Variants in RNF213 observed in about 807,000 individuals in gnomAD.
RNF213 encodes the protein ring finger protein 213, also known as E3 ubiquitin-protein ligase RNF213.
In RNF213, 341 loss-of-function variants were observed where a neutral mutation model predicts 514.4. The observed-to-expected ratio is 0.66, with a 90% CI of 0.61 to 0.73. The LOEUF is 0.73. RNF213 is among the 30% of genes least tolerant of loss of function. The pLI, the probability that RNF213 is intolerant of heterozygous loss-of-function variation, is 0.00. For synonymous variants in RNF213, 2,655 were observed against 2,658.2 expected (o/e 1.00, Z 0.04); for missense variants, 5,767 against 6,615.6 (o/e 0.87, Z 4.45).
chr17:80,361,919 G>A (rs774320609), intron 39 of RNF213, 31 bp downstream of exon 39: 3 of 1,604,190 alleles, frequency 1.9e-6, no homozygotes, highest in Non-Finnish European at 2.6e-6. Flanking sequence ...TAAGGGTCAG[G>A]TGTAGAGCTT....
At chr17:80,360,691 C>A (rs562522562) in intron 38 of RNF213, among the ~76,000 whole-genome samples, 52 of 152,306 alleles carry the variant, frequency 3.4e-4, no homozygotes, top group South Asian at 1.0e-3. Context: ...GAGTCACAGC[C>A]CAGACACAGT....
At position 80,353,767 on chromosome 17, in the gene RNF213, C is replaced by G; in HGVS notation, c.10578+101C>G. ...TTGGGAGCTAGAGGAGTCGCCGCCG[C>G]TGTGCAGGGGTGAGGATGGCGCCCC... On this transcript the variant is annotated intron_variant, in intron 34 of 67. Coordinates refer to ENST00000582970, the MANE Select transcript of RNF213 (RefSeq NM_001256071.3). The surrounding 1 kb of genome is among the most constrained non-coding windows in gnomAD (Gnocchi z 5.0). 1 of 1,508,818 alleles carries G rather than the reference C, an allele frequency of 6.6e-7. No individual in the cohort carries two copies. The highest frequency in any genetic ancestry group is 1.1e-5 in the South Asian group (1 of 87,716). The allele number at this position is 1,508,818 out of a possible 1,614,324, so 93.5% of individuals were successfully genotyped here.
At position 80,386,290 on chromosome 17, in the gene RNF213, G is replaced by A. The variant is rs767687852; in HGVS notation, c.14580G>A (p.Leu4860=). ...NLPKDYCSTD[L]DLDTEFEILL... is the part of the protein sequence containing the mutation. ...CCAAAGACTACTGCAGCACTGACTT[G>A]GATCTGGACACTGAGTTTGAGATCC... Residue 4860 remains leucine (L), a synonymous_variant, in exon 62 of 68, where the codon TTG becomes TTA. Transcript: ENST00000582970. The A allele has an allele frequency of 2.5e-6, 4 of 1,612,572 alleles. No homozygotes were observed. Among genetic ancestry groups the A allele is most frequent in the South Asian group, 1.1e-5 (1 of 91,076 alleles).
In RNF213 at chr17:80,376,511, A is replaced by G. The variant is rs1277766762; in HGVS notation, c.13396A>G (p.Lys4466Glu). Residue 4466 changes from lysine to glutamate, a missense_variant, in exon 52 of 68, where the codon AAG becomes GAG. Coordinates refer to ENST00000582970, the MANE Select transcript of RNF213 (RefSeq NM_001256071.3). Reference sequence around the variant, plus strand: ...ACAGAATGAACTCTTGGAGCCCCTAAAGAATCTGGCCTTCTCCCCAGCCAC... The same window carrying G: ...ACAGAATGAACTCTTGGAGCCCCTAGAGAATCTGGCCTTCTCCCCAGCCAC... ...CGQNELLEPL[K>E]NLAFSPATMA... 4 of 1,613,966 alleles carry G rather than the reference A, an allele frequency of 2.5e-6. No individual in the cohort carries two copies. The highest frequency in any genetic ancestry group is 3.4e-6 in the Non-Finnish European group (4 of 1,180,024).
chr17:80,330,381 T>G (rs902013321), intron 20 of RNF213, among the ~76,000 whole-genome samples: 1 of 152,194 alleles, frequency 6.6e-6, no homozygotes, highest in African/African-American at 2.4e-5. Context: ...GGTGCTGCCG[T>G]GGGGTGCTGT....
chr17:80,354,751 G>A, intron 36 of RNF213, 175 bp downstream of exon 36: 1 of 746,850 alleles, frequency 1.3e-6, no homozygotes, highest in Non-Finnish European at 2.2e-6. Context: ...GGTCTGGACA[G>A]TGGCCAAATG....
chr17:80,305,455 G>A (rs938906393), intron 11 of RNF213, among the ~76,000 whole-genome samples: 1 of 152,000 alleles, frequency 6.6e-6, no homozygotes, highest in East Asian at 1.9e-4. Flanking sequence ...TGGGATTACA[G>A]ACGTGAGCCA....
intron 44 of RNF213, among the ~76,000 whole-genome samples, chr17:80,368,729 G>T (rs995661763): frequency 6.6e-6 from 1 of 152,196 alleles, no homozygotes; most frequent in Non-Finnish European, 1.5e-5. Context: ...GACCACACCT[G>T]GCCGACGCCA....
intron 57 of RNF213, chr17:80,382,085 G>T: frequency 3.1e-6 from 1 of 321,370 alleles, no homozygotes; most frequent in East Asian, 7.3e-5. Context: ...CCCCTACCAT[G>T]CTGGGAGCAC....
chr17:80,322,743 CTTT>C (rs1201929026), intron 17 of RNF213, among the ~76,000 whole-genome samples: 1 of 151,982 alleles, frequency 6.6e-6, no homozygotes, highest in Non-Finnish European at 1.5e-5. Flanking sequence ...ATTGGGTTGT[CTTT>C]TTATTATAGA....
intron 32 of RNF213, chr17:80,352,564 T>G (rs1433862690): frequency 1.8e-6 from 1 of 544,610 alleles, no homozygotes; most frequent in Admixed American, 3.3e-5. Flanking sequence ...TAAGTTTACT[T>G]GAATAATTTC....
chr17:80,389,621 A>G (rs573507752), intron 65 of RNF213, among the ~76,000 whole-genome samples: 3 of 152,326 alleles, frequency 2.0e-5, no homozygotes, highest in African/African-American at 7.2e-5. Flanking sequence ...CCCTGCAAAC[A>G]GCGTGATGTG....
At chr17:80,280,868 C>T (rs144573494) in intron 3 of RNF213, among the ~76,000 whole-genome samples, 34 of 152,170 alleles carry the variant, frequency 2.2e-4, no homozygotes, top group Admixed American at 6.5e-4. Context: ...TCAACGTACA[C>T]GGGTGGAAAC....
Position 80,332,084 on chromosome 17 carries a change from T to G in RNF213, c.3596T>G (p.Leu1199Arg). ...KRLNDTVTVR[L>R]STSSNSQRAT... is the part of the protein sequence containing the mutation. ...TTAAATGACACCGTGACAGTGAGAC[T>G]GTCCACCTCCTCGAACTCGCAGAGG... The change falls in exon 21 of 68, where the codon CTG becomes CGG. Residue 1199 changes from leucine to arginine, a missense_variant. Physicochemically the swap from Leu to Arg is moderately radical, Grantham distance 102. Around this residue, in one of 13 missense-constraint regions of RNF213, gnomAD observed 516 missense variants for 566.5 expected, o/e 0.91. Transcript: ENST00000582970. The G allele has an allele frequency of 6.5e-7, 1 of 1,537,224 alleles. No homozygotes were observed. Among genetic ancestry groups the G allele is most frequent in the South Asian group, 1.2e-5 (1 of 84,062 alleles).
Position 80,317,126 on chromosome 17 carries a change from A to G in RNF213, c.2812-62A>G, listed in dbSNP as rs2045973726. 5.8e-6 allele frequency: 9 copies of G among 1,539,426 alleles called. No individual in the cohort carries two copies. In the African/African-American group the frequency reaches 6.8e-5, roughly 12 times the overall value. ...CGTAATGCTCTGTCTTTCTCCTTTC[A>G]TGGGAGTGTGCCGTGGCATTTAGTC... On this transcript the variant is annotated intron_variant, in intron 15 of 67. Transcript: ENST00000582970. This position sits in a 1 kb window ranked among gnomAD's most constrained non-coding sequence, Gnocchi z 4.1.
In RNF213 at chr17:80,379,690, C is replaced by T. The variant is rs2079907988; in HGVS notation, c.13616C>T (p.Pro4539Leu). 2 of 1,614,106 alleles carry T rather than the reference C, an allele frequency of 1.2e-6. No individual in the cohort carries two copies. Among genetic ancestry groups the T allele is most frequent in the Admixed American group, 1.7e-5 (1 of 60,002 alleles). ...HAPIGGIDHKPRDGFHLVKDK... is the reference protein window; with the variant it reads ...HAPIGGIDHKLRDGFHLVKDK... Reference sequence around the variant, plus strand: ...CCGATTGGAGGCATTGACCACAAACCTCGGGACGGCTTTCATCTGGTCAAG... The same window carrying T: ...CCGATTGGAGGCATTGACCACAAACTTCGGGACGGCTTTCATCTGGTCAAG... Residue 4539 changes from proline to leucine, a missense_variant, in exon 55 of 68, where the codon CCT becomes CTT. This residue lies in a region of RNF213 where 1,245 missense variants were observed against 1,339.0 expected (regional missense o/e 0.93). Coordinates refer to ENST00000582970, the MANE Select transcript of RNF213 (RefSeq NM_001256071.3).
At position 80,264,989 on chromosome 17, in the gene RNF213, G is replaced by T. The variant is rs1425585222; in HGVS notation, c.97+1211G>T. On this transcript the variant is annotated intron_variant, in intron 2 of 67. Transcript: ENST00000582970. This position sits in a 1 kb window ranked among gnomAD's most constrained non-coding sequence, Gnocchi z 5.0. ...TCTTTGCCCAGCTGCTCGCCATGGG[G>T]TCTCTCCGATGTTGTCCTTCAAGGG... 6.6e-6 allele frequency among the ~76,000 whole-genome samples: 1 copy of T among 151,080 alleles called. No homozygotes were observed. The highest frequency in any genetic ancestry group is 1.5e-5 in the Non-Finnish European group (1 of 67,962).
chr17:80,375,644 A>G (rs1706887832), intron 50 of RNF213, 116 bp from the exon 51 acceptor site: 1 of 736,896 alleles, frequency 1.4e-6, no homozygotes, highest in Non-Finnish European at 2.5e-6. Flanking sequence ...CAGAGGTTGC[A>G]GTGAGCCGAG....
intron 3 of RNF213, among the ~76,000 whole-genome samples, chr17:80,275,548 C>T (rs932302927): frequency 6.6e-6 from 1 of 151,874 alleles, no homozygotes. Context: ...AGGACGCACT[C>T]GAAAAAGACC....
Sources: gnomAD v4.1 joint callset for allele counts (sites outside exome capture counted in the v4.1 genomes callset) on GRCh38, gnomAD v4.1.1 for gene constraint, gnomAD v4.1.1 regional missense constraint, Gnocchi (gnomAD v3.1) non-coding constraint, MANE v1.5 for transcripts, NCBI Gene and HGNC (gene_info 2026-07-23, HGNC 2026-07-21) for gene names.